The following FNIP2 variants were observed in gnomAD, a reference collection of about 807,000 sequenced individuals.
FNIP2 encodes the protein folliculin interacting protein 2, also known as folliculin-interacting protein 2.
A neutral mutation model predicts 108.7 loss-of-function variants in FNIP2; 32 were observed. The observed-to-expected ratio is 0.29, with a 90% CI of 0.22 to 0.40. The LOEUF is 0.40. FNIP2 is among the 10% of genes least tolerant of loss of function. The pLI, the probability that FNIP2 is intolerant of heterozygous loss-of-function variation, is 1.00. For synonymous variants in FNIP2, 480 were observed against 496.7 expected (o/e 0.97, Z 0.45); for missense variants, 1,202 against 1,381.6 (o/e 0.87, Z 2.06).
At chr4:158,773,711 T>C (rs1252072139) in intron 1 of FNIP2, among the ~76,000 whole-genome samples, 2 of 152,198 alleles carry the variant, frequency 1.3e-5, no homozygotes, top group Admixed American at 6.5e-5. Context: ...TGAATTGAAC[T>C]GTTTTCACTT....
At chr4:158,870,042 G>A (rs1290532245) in intron 13 of FNIP2, among the ~76,000 whole-genome samples, 1 of 152,218 alleles carries the variant, frequency 6.6e-6, no homozygotes, top group East Asian at 1.9e-4. Context: ...TCTTTGGTCA[G>A]TATTTTGACA....
chr4:158,870,777 C>T (rs913860195), intron 14 of FNIP2, among the ~76,000 whole-genome samples: 1 of 152,232 alleles, frequency 6.6e-6, no homozygotes, highest in African/African-American at 2.4e-5. Flanking sequence ...TTCCTGCCAT[C>T]CCTCCTCCCA....
At chr4:158,872,026 A>G in intron 14 of FNIP2, 1 of 983,768 alleles carries the variant, frequency 1.0e-6, no homozygotes, top group Admixed American at 6.2e-5. Context: ...CTGCTCTGCT[A>G]TCATTTTGAT....
intron 15 of FNIP2, among the ~76,000 whole-genome samples, chr4:158,895,311 C>A (rs1367748079): frequency 6.6e-6 from 1 of 152,088 alleles, no homozygotes; most frequent in Non-Finnish European, 1.5e-5. Context: ...AAAACAAAAA[C>A]CATACTGTTT....
At chr4:158,854,891 A>G (rs2126661753) in intron 8 of FNIP2, among the ~76,000 whole-genome samples, 1 of 152,326 alleles carries the variant, frequency 6.6e-6, no homozygotes, top group East Asian at 1.9e-4. Flanking sequence ...ATTTTCAGGC[A>G]AGGTAGGTCA....
intron 2 of FNIP2, among the ~76,000 whole-genome samples, chr4:158,826,590 A>T (rs1310749013): frequency 6.6e-6 from 1 of 151,692 alleles, no homozygotes; most frequent in Non-Finnish European, 1.5e-5. Context: ...TTTATTTCCC[A>T]TTTTTTTTGT....
intron 7 of FNIP2, among the ~76,000 whole-genome samples, chr4:158,850,385 A>G (rs1779629928): frequency 6.6e-6 from 1 of 151,868 alleles, no homozygotes; most frequent in Non-Finnish European, 1.5e-5. Context: ...AAACCAGTAG[A>G]TGTTCATCAA....
At position 158,807,876 on chromosome 4, in the gene FNIP2, A is replaced by C. The variant is rs1009624530; in HGVS notation, c.108-18040A>C. 3.9e-5 allele frequency among the ~76,000 whole-genome samples: 6 copies of C among 152,338 alleles called. No individual in the cohort carries two copies. The East Asian group carries it at 7.7e-4, about 20-fold the overall frequency. On this transcript the variant is annotated intron_variant, in intron 1 of 16. Coordinates refer to ENST00000264433, the MANE Select transcript of FNIP2 (RefSeq NM_020840.3). ...AGATCTGTTTGTAGAGGAGGAGGTA[A>C]TGATATGGTACATTAGAAAAATACA...
chr4:158,778,558 T>A (rs1775931626), intron 1 of FNIP2, among the ~76,000 whole-genome samples: 1 of 152,236 alleles, frequency 6.6e-6, no homozygotes, highest in Non-Finnish European at 1.5e-5. Context: ...GATGAGATAT[T>A]TCCTGAGAAA....
At chr4:158,831,838 T>G (rs768644259) in intron 3 of FNIP2, 23 bp from the exon 4 acceptor site, 5 of 1,521,772 alleles carry the variant, frequency 3.3e-6, no homozygotes, top group Non-Finnish European at 4.5e-6. Flanking sequence ...GTACTAACTT[T>G]GATTTTGTTT....
intron 1 of FNIP2, among the ~76,000 whole-genome samples, chr4:158,783,242 G>A (rs1560751792): frequency 6.6e-6 from 1 of 152,202 alleles, no homozygotes; most frequent in South Asian, 2.1e-4. Context: ...GAGAATTGTT[G>A]TGGTCCAATC....
chr4:158,856,410 C>T (rs1227220765), intron 8 of FNIP2, among the ~76,000 whole-genome samples: 1 of 152,176 alleles, frequency 6.6e-6, no homozygotes, highest in East Asian at 1.9e-4. Flanking sequence ...TATTTATGAT[C>T]TTGAAGTACT....
intron 12 of FNIP2, among the ~76,000 whole-genome samples, chr4:158,866,212 C>T (rs1248484797): frequency 9.5e-5 from 3 of 31,474 alleles, no homozygotes; most frequent in Admixed American, 9.0e-4. Context: ...TTCCAATATT[C>T]TGGTTATTCT....
intron 7 of FNIP2, among the ~76,000 whole-genome samples, chr4:158,839,691 T>G (rs1446082382): frequency 1.3e-5 from 2 of 152,202 alleles, no homozygotes; most frequent in Non-Finnish European, 2.9e-5. Context: ...GTTGCTCAAA[T>G]TGTTTCGGTT....
chr4:158,798,424 A>G (rs764680275), intron 1 of FNIP2, among the ~76,000 whole-genome samples: 2 of 152,152 alleles, frequency 1.3e-5, no homozygotes, highest in African/African-American at 2.4e-5. Context: ...GGATAATTAG[A>G]TAAGTTTCCC....
At chr4:158,897,254 C>T (rs947592454) in intron 16 of FNIP2, among the ~76,000 whole-genome samples, 15 of 152,080 alleles carry the variant, frequency 9.9e-5, no homozygotes, top group East Asian at 1.9e-4. Flanking sequence ...ATGGGCATTT[C>T]GGTTGGTTCC....
chr4:158,871,566 C>G, intron 14 of FNIP2: 2 of 985,324 alleles, frequency 2.0e-6, no homozygotes, highest in Non-Finnish European at 2.4e-6. Flanking sequence ...AACATAACCT[C>G]CCTCAATGGG....
intron 1 of FNIP2, among the ~76,000 whole-genome samples, chr4:158,821,432 A>G (rs1578864175): frequency 6.6e-6 from 1 of 152,232 alleles, no homozygotes; most frequent in African/African-American, 2.4e-5. Context: ...CCCCAGTCAT[A>G]TGAAGAGATG....
In FNIP2 at chr4:158,812,599, A is replaced by G. The variant is rs148774378; in HGVS notation, c.108-13317A>G. ...TGAAATTAAAAGAATTTTTTCCTTC[A>G]AAAAAATTTTAGAGCAGTTTTAGGT... On this transcript the variant is annotated intron_variant, in intron 1 of 16. Coordinates refer to ENST00000264433, the MANE Select transcript of FNIP2 (RefSeq NM_020840.3). Among the ~76,000 whole-genome samples, 4 of 152,166 alleles carry G rather than the reference A, an allele frequency of 2.6e-5. No homozygotes were observed. The East Asian group carries it at 7.7e-4, about 29-fold the overall frequency.
Sources: gnomAD v4.1 joint callset for allele counts (sites outside exome capture counted in the v4.1 genomes callset) on GRCh38, gnomAD v4.1.1 for gene constraint, MANE v1.5 for transcripts, NCBI Gene and HGNC (gene_info 2026-07-23, HGNC 2026-07-21) for gene names.